SPEG: variants seen among roughly 807,000 people sequenced by gnomAD.
The protein encoded by SPEG is striated muscle enriched protein kinase, also known as striated muscle preferentially expressed protein kinase.
In SPEG, 114 loss-of-function variants were observed where a neutral mutation model predicts 300.4. The ratio of observed to expected loss-of-function variants is 0.38; its 90% CI spans 0.33 to 0.44. The LOEUF (loss-of-function observed/expected upper bound fraction) is 0.44, where lower values mean the gene tolerates loss of function less well. Ranked by LOEUF, SPEG falls within the 20% of genes least tolerant of loss-of-function variation. The pLI is 1.00. For synonymous variants in SPEG, 1,964 were observed against 2,018.9 expected, an observed-to-expected ratio of 0.97 and a Z score of 0.73; for missense variants, 4,201 against 4,586.2, an observed-to-expected ratio of 0.92 and a Z score of 2.43.
rs766634174 is a variant in SPEG, at chr2:219,479,928, A to T, written c.5164-34A>T. On this transcript the variant is annotated intron_variant, in intron 24 of 40. Coordinates refer to ENST00000312358, the MANE Select transcript of SPEG (RefSeq NM_005876.5). The surrounding 1 kb of genome is among the most constrained non-coding windows in gnomAD (Gnocchi z 5.5). ...GGAGGTGAAGCATCCTTCCTTGTTCATTTGGCCCGCACACCTCGCCTTGTG... is the reference window on the plus strand; with the variant it reads ...GGAGGTGAAGCATCCTTCCTTGTTCTTTTGGCCCGCACACCTCGCCTTGTG... 1.2e-5 allele frequency: 20 copies of T among 1,614,080 alleles called. No individual in the cohort carries two copies. Among genetic ancestry groups the T allele is most frequent in the Non-Finnish European group, 1.7e-5 (20 of 1,179,988 alleles).
In SPEG at chr2:219,449,171, C is replaced by A; in HGVS notation, c.2013C>A (p.Arg671=). 1 of 1,404,374 alleles carries A rather than the reference C, an allele frequency of 7.1e-7. No individual in the cohort carries two copies. The highest frequency in any genetic ancestry group is 9.3e-7 in the Non-Finnish European group (1 of 1,079,174). The allele number at this position is 1,404,374 out of a possible 1,614,324, so 87.0% of individuals were successfully genotyped here. A position where few individuals can be genotyped will look rare whatever the true frequency, so the allele number is the denominator to read the frequency against. ...RAGPEAEKRL[R]RGPEEDGPWG... is the part of the protein sequence containing the mutation. Reference sequence around the variant, plus strand: ...GGCCTGAGGCAGAGAAGAGGCTTCGCAGAGGGCCGGAGGAGGACGGTCCCT... The same window carrying A: ...GGCCTGAGGCAGAGAAGAGGCTTCGAAGAGGGCCGGAGGAGGACGGTCCCT... Residue 671 remains arginine (R), a synonymous_variant, in exon 4 of 41, where the codon CGC becomes CGA. Coordinates refer to ENST00000312358, the MANE Select transcript of SPEG (RefSeq NM_005876.5).
Position 219,477,852 on chromosome 2 carries a change from T to A in SPEG, c.4827-53T>A. The A allele has an allele frequency of 6.3e-7, 1 of 1,597,914 alleles. No homozygotes were observed. The highest frequency in any genetic ancestry group is 1.1e-5 in the South Asian group (1 of 89,864). On this transcript the variant is annotated intron_variant, in intron 21 of 40. Transcript: ENST00000312358. The surrounding 1 kb of genome is among the most constrained non-coding windows in gnomAD (Gnocchi z 6.4). ...TGCTGGGTCTGAGGGTTGGGAGGGG[T>A]GGAGAGGGCCACAGTGATGGCTGAT... is the stretch of plus-strand genomic sequence containing the variant.
At position 219,444,148 on chromosome 2, in the gene SPEG, G is replaced by C; in HGVS notation, c.389-505G>C. 9.9e-7 allele frequency: 1 copy of C among 1,006,268 alleles called. No individual in the cohort carries two copies. The highest frequency in any genetic ancestry group is 1.4e-6 in the Non-Finnish European group (1 of 714,854). 62.3% of individuals were successfully genotyped at this position (1,006,268 alleles called of 1,614,324 possible). A position where few individuals can be genotyped will look rare whatever the true frequency, so the allele number is the denominator to read the frequency against. On this transcript the variant is annotated intron_variant, in intron 1 of 40. Coordinates refer to ENST00000312358, the MANE Select transcript of SPEG (RefSeq NM_005876.5). This position sits in a 1 kb window ranked among gnomAD's most constrained non-coding sequence, Gnocchi z 7.8. ...TCCTCACCCTGCCTCAGCTGCACCC[G>C]ATGCCTTGCAGCTGGTTTGGGGTAG... is the stretch of plus-strand genomic sequence containing the variant.
At chr2:219,476,761 G>C (rs1461886485) in intron 18 of SPEG, 109 bp from the exon 19 acceptor site, 1 of 810,164 alleles carries the variant, frequency 1.2e-6, no homozygotes, top group East Asian at 2.6e-5. Flanking sequence ...GGGGTCTAGC[G>C]TTCTGACTGA....
Position 219,473,155 on chromosome 2 carries a change from C to T in SPEG, c.4147+59C>T. ...GAGCTGCTGGGATGGGGAATGGGGG[C>T]CCTGTGGTGGAGGCTCAAGGGATGG... On this transcript the variant is annotated intron_variant, in intron 16 of 40. Transcript: ENST00000312358. The surrounding 1 kb of genome is among the most constrained non-coding windows in gnomAD (Gnocchi z 4.6). The T allele has an allele frequency of 1.3e-6, 2 of 1,514,002 alleles. No individual in the cohort carries two copies. Among genetic ancestry groups the T allele is most frequent in the African/African-American group, 1.4e-5 (1 of 73,116 alleles). 93.8% of individuals were successfully genotyped at this position (1,514,002 alleles called of 1,614,324 possible). A position where few individuals can be genotyped will look rare whatever the true frequency, so the allele number is the denominator to read the frequency against.
chr2:219,468,457 A>G, intron 10 of SPEG, 121 bp from the exon 11 acceptor site: 2 of 1,138,842 alleles, frequency 1.8e-6, no homozygotes, highest in Non-Finnish European at 2.5e-6. Flanking sequence ...GAGTACCCAG[A>G]GCCTTTGCTG....
Position 219,483,362 on chromosome 2 carries a change from G to A in SPEG, c.5899G>A (p.Ala1967Thr). The change falls in exon 30 of 41, where the codon GCT (alanine) becomes ACT (threonine). Residue 1967 changes from alanine to threonine, a missense_variant. Around this residue, in one of 4 missense-constraint regions of SPEG, gnomAD observed 1,578 missense variants for 1,506.0 expected, o/e 1.05. Coordinates refer to ENST00000312358, the MANE Select transcript of SPEG (RefSeq NM_005876.5). ...GGCCCTGGGGACCCCAGAGACTGGG[G>A]CTGCCACCCCCATGGACTGGCAGGA... is the stretch of plus-strand genomic sequence containing the variant. ...DEALGTPETGAATPMDWQEQG... is the reference protein window; with the variant it reads ...DEALGTPETGTATPMDWQEQG... The A allele has an allele frequency of 6.2e-7, 1 of 1,604,420 alleles. No homozygotes were observed. Among genetic ancestry groups the A allele is most frequent in the Non-Finnish European group, 8.5e-7 (1 of 1,176,746 alleles).
chr2:219,468,703 A>G lies in SPEG; in HGVS notation c.3268A>G (p.Thr1090Ala). The change falls in exon 11 of 41, where the codon ACC (threonine) becomes GCC (alanine). Residue 1090 changes from threonine (T) to alanine (A), a missense_variant. This residue lies in a region of SPEG where 1,047 missense variants were observed against 1,356.8 expected (regional missense o/e 0.77). Coordinates refer to ENST00000312358, the MANE Select transcript of SPEG (RefSeq NM_005876.5). The part of the protein sequence containing the change: ...AARFDCKISG[T>A]PPPVVTWTHF... ...CCGTTTCGACTGCAAGATCAGTGGC[A>G]CCCCGCCCCCTGTTGTTACCTGGAC... The G allele has an allele frequency of 6.2e-7, 1 of 1,613,896 alleles. No individual in the cohort carries two copies. Among genetic ancestry groups the G allele is most frequent in the Non-Finnish European group, 8.5e-7 (1 of 1,179,930 alleles).
chr2:219,449,538 G>A (rs979873236), intron 4 of SPEG, among the ~76,000 whole-genome samples: 2 of 152,148 alleles, frequency 1.3e-5, no homozygotes, highest in Non-Finnish European at 2.9e-5. Flanking sequence ...TGTGAGCTAA[G>A]ACTGGTGCCC....
intron 6 of SPEG, among the ~76,000 whole-genome samples, chr2:219,457,135 A>G (rs1575082932): frequency 6.6e-6 from 1 of 152,124 alleles, no homozygotes; most frequent in Admixed American, 6.5e-5. Context: ...ACTTTTCCGC[A>G]GTGGGGTTAC....
Position 219,489,919 on chromosome 2 carries a change from C to G in SPEG, c.8901C>G (p.Thr2967=). Residue 2967 remains threonine (T), a synonymous_variant, in exon 36 of 41, where the codon ACC becomes ACG. Transcript: ENST00000312358. ...AGGGTCCCCCTCAGAAACCCTACAC[C>G]TTCCTGGAGGAGAAAGCCAGGCAAG... ...LRQGPPQKPY[T]FLEEKARGRF... is the part of the protein sequence containing the mutation. The G allele has an allele frequency of 6.3e-7, 1 of 1,576,432 alleles. No homozygotes were observed. The highest frequency in any genetic ancestry group is 1.1e-5 in the South Asian group (1 of 87,242).
chr2:219,448,955 C>T lies in SPEG; in HGVS notation c.1797C>T (p.Thr599=), dbSNP rs950623900. 2.6e-6 allele frequency: 4 copies of T among 1,509,448 alleles called. No homozygotes were observed. In the African/African-American group the frequency reaches 4.4e-5, roughly 16 times the overall value. 93.5% of individuals were successfully genotyped at this position (1,509,448 alleles called of 1,614,324 possible). The change falls in exon 4 of 41, where the codon ACC becomes ACT. Residue 599 remains threonine, a synonymous_variant. Transcript: ENST00000312358. The stretch of plus-strand genomic sequence containing the variant: ...GGCGTCGGGACCAATTCCCGCTGAC[C>T]CGGAGCAGAGCCATCCAGGAGTGCA... ...EVRRRDQFPL[T]RSRAIQECRS... is the part of the protein sequence containing the mutation.
At chr2:219,460,174 C>G (rs1343744895) in intron 6 of SPEG, 2 of 442,580 alleles carry the variant, frequency 4.5e-6, no homozygotes, top group African/African-American at 4.3e-5. Context: ...GGGCTTAGGC[C>G]CTGTGGTGGC....
In SPEG at chr2:219,471,877, T is replaced by C; in HGVS notation, c.3725T>C (p.Val1242Ala). 1 of 1,614,018 alleles carries C rather than the reference T, an allele frequency of 6.2e-7. No homozygotes were observed. Among genetic ancestry groups the C allele is most frequent in the Non-Finnish European group, 8.5e-7 (1 of 1,179,974 alleles). The change falls in exon 14 of 41, where the codon GTC (valine) becomes GCC (alanine). Residue 1242 changes from valine to alanine, a missense_variant. Coordinates refer to ENST00000312358, the MANE Select transcript of SPEG (RefSeq NM_005876.5). ...DDRRMTQYRD[V>A]HRLVFPAVGP... ...GTCCCTCCCCTCCCAGACAGGGATG[T>C]CCATCGCTTGGTGTTCCCTGCCGTG...
chr2:219,465,895 G>T (rs867941316), intron 9 of SPEG: 7 of 653,312 alleles, frequency 1.1e-5, no homozygotes, highest in Admixed American at 2.3e-5. Flanking sequence ...GCATGTGTGC[G>T]TATGGGTGTG....
chr2:219,465,849 ATG>A (rs1278599072), intron 9 of SPEG: 4 of 598,632 alleles, frequency 6.7e-6, no homozygotes, highest in Non-Finnish European at 9.0e-6. Context: ...ATGTGCATGC[ATG>A]TGTGTGCATG....
At position 219,479,747 on chromosome 2, in the gene SPEG, C is replaced by G. The variant is rs1255659790; in HGVS notation, c.5086-36C>G. On this transcript the variant is annotated intron_variant, in intron 23 of 40. Coordinates refer to ENST00000312358, the MANE Select transcript of SPEG (RefSeq NM_005876.5). The surrounding 1 kb of genome is among the most constrained non-coding windows in gnomAD (Gnocchi z 5.5). The stretch of plus-strand genomic sequence containing the variant: ...TGGAGGTGTTCAGACATACACCACC[C>G]TTCCCCCTCAGACTCTGGGCCCACT... The G allele has an allele frequency of 6.2e-7, 1 of 1,604,716 alleles. No homozygotes were observed. The highest frequency in any genetic ancestry group is 1.1e-5 in the South Asian group (1 of 90,794).
Position 219,477,947 on chromosome 2 carries a change from C to T in SPEG, c.4869C>T (p.Ser1623=), listed in dbSNP as rs369092148. 3.0e-5 allele frequency: 48 copies of T among 1,614,072 alleles called. No homozygotes were observed. Among genetic ancestry groups the T allele is most frequent in the Non-Finnish European group, 3.6e-5 (42 of 1,180,054 alleles). The change falls in exon 22 of 41, where the codon TCC becomes TCT. Residue 1623 remains serine (S), a synonymous_variant. Transcript: ENST00000312358. The surrounding 1 kb of genome is among the most constrained non-coding windows in gnomAD (Gnocchi z 6.4). The part of the protein sequence containing the change: ...SYLRRIVERS[S]GLEFAAKFIP... Reference sequence around the variant, plus strand: ...TGCGGCGCATAGTGGAGCGTAGCTCCGGCCTGGAGTTTGCGGCCAAGTTCA... The same window carrying T: ...TGCGGCGCATAGTGGAGCGTAGCTCTGGCCTGGAGTTTGCGGCCAAGTTCA...
chr2:219,448,170 C>A lies in SPEG; in HGVS notation c.1012C>A (p.Arg338Ser), dbSNP rs1417999524. The A allele has an allele frequency of 6.2e-7, 1 of 1,611,616 alleles. No homozygotes were observed. The highest frequency in any genetic ancestry group is 1.7e-5 in the Admixed American group (1 of 59,932). ...PAATPTSPHR[R>S]TQEPVLPEDT... ...GGCCACCCCCACGTCGCCCCACCGT[C>A]GCACTCAGGAGCCTGTGCTGCCCGA... Residue 338 changes from arginine (R) to serine (S), a missense_variant, in exon 4 of 41, where the codon CGC (arginine) becomes AGC (serine). Physicochemically the swap from Arg to Ser is moderately radical, Grantham distance 110. Coordinates refer to ENST00000312358, the MANE Select transcript of SPEG (RefSeq NM_005876.5).
Sources: gnomAD v4.1 joint callset for allele counts (sites outside exome capture counted in the v4.1 genomes callset) on GRCh38, gnomAD v4.1.1 for gene constraint, gnomAD v4.1.1 regional missense constraint, Gnocchi (gnomAD v3.1) non-coding constraint, MANE v1.5 for transcripts, NCBI Gene and HGNC (gene_info 2026-07-23, HGNC 2026-07-21) for gene names.